Variants in ADGRL3 observed in about 807,000 individuals in gnomAD.
ADGRL3 encodes the protein adhesion G protein-coupled receptor L3.
A neutral mutation model predicts 153.5 loss-of-function variants in ADGRL3; 62 were observed. That is an observed-to-expected ratio of 0.40 (90% confidence interval 0.33 to 0.50). The LOEUF is 0.50. Among genes scored for constraint, ADGRL3 ranks in the 20% least tolerant of loss-of-function variants. ADGRL3 has a pLI of 0.47. For synonymous variants in ADGRL3, 710 were observed against 672.5 expected, an observed-to-expected ratio of 1.06 and a Z score of -0.86; for missense variants, 1,641 against 1,859.4, an observed-to-expected ratio of 0.88 and a Z score of 2.16.
intron 5 of ADGRL3, among the ~76,000 whole-genome samples, chr4:61,598,207 T>C (rs2098997117): frequency 6.6e-6 from 1 of 152,122 alleles, no homozygotes; most frequent in African/African-American, 2.4e-5. Context: ...GTATAATTTT[T>C]CATGGAAAGG....
intron 8 of ADGRL3, among the ~76,000 whole-genome samples, chr4:61,811,673 A>T (rs2097623943): frequency 6.6e-6 from 1 of 152,142 alleles, no homozygotes; most frequent in East Asian, 1.9e-4. Context: ...ATATGGATGT[A>T]GTGTGTCTAT....
At chr4:61,451,008 G>GA (rs912604378) in intron 2 of ADGRL3, among the ~76,000 whole-genome samples, 1 of 151,934 alleles carries the variant, frequency 6.6e-6, no homozygotes, top group African/African-American at 2.4e-5. Context: ...GTAACCAGAT[G>GA]AAAAAAAGTT....
chr4:61,929,906 G>GA (rs2098810404), intron 13 of ADGRL3, among the ~76,000 whole-genome samples: 1 of 152,154 alleles, frequency 6.6e-6, no homozygotes, highest in African/African-American at 2.4e-5. Context: ...CAGACACAGT[G>GA]GCTCACGCCT....
chr4:61,466,773 A>T (rs545584926), intron 2 of ADGRL3, among the ~76,000 whole-genome samples: 1 of 152,328 alleles, frequency 6.6e-6, no homozygotes, highest in East Asian at 1.9e-4. Flanking sequence ...TATATCAATT[A>T]ATAAAATGGG....
At chr4:61,274,400 A>C (rs2149845342) in intron 1 of ADGRL3, among the ~76,000 whole-genome samples, 1 of 152,314 alleles carries the variant, frequency 6.6e-6, no homozygotes, top group African/African-American at 2.4e-5. Context: ...TATGAGCTTT[A>C]AACTATGTTG....
chr4:61,495,413 CAAAAA>C (rs1335019606), intron 2 of ADGRL3, among the ~76,000 whole-genome samples: 3 of 100,746 alleles, frequency 3.0e-5, no homozygotes, highest in African/African-American at 1.1e-4. Context: ...ATCTCCAAGA[CAAAAA>C]AAAGAAAAGA....
Position 62,070,198 on chromosome 4 carries a change from G to T in ADGRL3, c.3922G>T (p.Gly1308Cys). 1 of 1,613,816 alleles carries T rather than the reference G, an allele frequency of 6.2e-7. No homozygotes were observed. ...TGGCAATAGTTACAGCATTGCCAGC[G>T]GCGAATACCTGAGCAACTGTGTGCA... ...NHGNSYSIAS[G>C]EYLSNCVQII... Residue 1308 changes from glycine to cysteine, a missense_variant, in exon 27 of 27, where the codon GGC (glycine) becomes TGC (cysteine). By Grantham distance (159) the Gly-to-Cys change is radical (BLOSUM62 -3). This residue lies in a region of ADGRL3 where 517 missense variants were observed against 555.0 expected (regional missense o/e 0.93). Transcript: ENST00000683033.
intron 2 of ADGRL3, among the ~76,000 whole-genome samples, chr4:61,423,629 A>G (rs1037971983): frequency 4.6e-5 from 7 of 152,222 alleles, no homozygotes; most frequent in African/African-American, 1.7e-4. Flanking sequence ...GATTAGGGCC[A>G]GTAATGCCAT....
At chr4:61,639,761 T>C (rs933810934) in intron 5 of ADGRL3, among the ~76,000 whole-genome samples, 3 of 152,192 alleles carry the variant, frequency 2.0e-5, no homozygotes, top group African/African-American at 7.2e-5. Flanking sequence ...ATTTTTCTCT[T>C]TCAGAAGTAT....
chr4:61,955,656 A>G (rs1187809109), intron 17 of ADGRL3, among the ~76,000 whole-genome samples: 1 of 152,000 alleles, frequency 6.6e-6, no homozygotes, highest in Non-Finnish European at 1.5e-5. Flanking sequence ...TTCTGTACCT[A>G]TTGACCTGTC....
At chr4:61,285,267 A>G (rs1307138907) in intron 1 of ADGRL3, among the ~76,000 whole-genome samples, 1 of 151,936 alleles carries the variant, frequency 6.6e-6, no homozygotes, top group Non-Finnish European at 1.5e-5. Context: ...AGCTTACTGC[A>G]TAAAATTATC....
At chr4:62,061,913 G>A (rs1740416090) in intron 25 of ADGRL3, among the ~76,000 whole-genome samples, 1 of 151,996 alleles carries the variant, frequency 6.6e-6, no homozygotes, top group Non-Finnish European at 1.5e-5. Flanking sequence ...AAATAAAGTT[G>A]CAATGAGCAT....
rs567606668 is a variant in ADGRL3 at position 61,744,695 on chromosome 4, C to T, written c.1399+11141C>T. 1.4e-3 allele frequency among the ~76,000 whole-genome samples: 211 copies of T among 152,192 alleles called. 1 individual carries two copies. Among genetic ancestry groups the T allele is most frequent in the African/African-American group, 5.0e-3 (207 of 41,530 alleles). On this transcript the variant is annotated intron_variant, in intron 8 of 26. Coordinates refer to ENST00000683033, the MANE Select transcript of ADGRL3 (RefSeq NM_001387552.1). ...AAAACTAACAAACAGAAAGGACATC[C>T]ACACCAAAAAACCATCTGTACATCA...
At chr4:61,591,283 T>A (rs935000315) in intron 5 of ADGRL3, among the ~76,000 whole-genome samples, 16 of 152,202 alleles carry the variant, frequency 1.1e-4, no homozygotes, top group African/African-American at 2.4e-5. Flanking sequence ...CTCATTTCAA[T>A]AGTACAGTGA....
At chr4:61,248,506 T>C (rs1757960688) in intron 1 of ADGRL3, among the ~76,000 whole-genome samples, 1 of 152,126 alleles carries the variant, frequency 6.6e-6, no homozygotes, top group Non-Finnish European at 1.5e-5. Context: ...GTTAATATTA[T>C]AATATTGAAT....
intron 8 of ADGRL3, among the ~76,000 whole-genome samples, chr4:61,760,350 G>A (rs941250560): frequency 3.9e-5 from 6 of 152,036 alleles, no homozygotes; most frequent in African/African-American, 9.7e-5. Context: ...CTCAAGCCTC[G>A]GCAATGGCGG....
intron 9 of ADGRL3, among the ~76,000 whole-genome samples, chr4:61,818,973 T>A (rs1371952835): frequency 6.6e-6 from 1 of 152,166 alleles, no homozygotes; most frequent in East Asian, 1.9e-4. Flanking sequence ...TAAGATTATC[T>A]TATATTTAAA....
At chr4:62,050,453 C>T (rs993336950) in intron 25 of ADGRL3, among the ~76,000 whole-genome samples, 6 of 152,002 alleles carry the variant, frequency 3.9e-5, no homozygotes, top group African/African-American at 1.4e-4. Flanking sequence ...GGCTCAGAAC[C>T]GTTTTTAACA....
intron 17 of ADGRL3, among the ~76,000 whole-genome samples, chr4:61,978,984 G>C (rs1171724525): frequency 1.3e-5 from 2 of 152,072 alleles, no homozygotes; most frequent in African/African-American, 2.4e-5. Flanking sequence ...AAAATAAATA[G>C]TGCACATGTG....
Sources: gnomAD v4.1 joint callset for allele counts (sites outside exome capture counted in the v4.1 genomes callset) on GRCh38, gnomAD v4.1.1 for gene constraint, gnomAD v4.1.1 regional missense constraint, MANE v1.5 for transcripts, NCBI Gene and HGNC (gene_info 2026-07-23, HGNC 2026-07-21) for gene names.